FRYL: variants seen among roughly 807,000 people sequenced by gnomAD.
FRYL encodes protein furry homolog-like.
A neutral mutation model predicts 351.2 loss-of-function variants in FRYL; 150 were observed. The ratio of observed to expected loss-of-function variants is 0.43; its 90% confidence interval spans 0.37 to 0.49. The LOEUF (loss-of-function observed/expected upper bound fraction) is 0.49. FRYL is among the 20% of genes least tolerant of loss of function. The pLI is 0.00. For missense variants in FRYL, 3,036 were observed against 3,619.3 expected (o/e 0.84, Z 4.13); for synonymous variants, 1,153 against 1,257.1 (o/e 0.92, Z 1.75).
chr4:48,573,697 G>A lies in FRYL; in HGVS notation c.2847-454C>T, dbSNP rs1313063034. 2.6e-5 allele frequency among the ~76,000 whole-genome samples: 4 copies of A among 151,970 alleles called. No homozygotes were observed. In the East Asian group the frequency reaches 7.7e-4, roughly 29 times the overall value. ...CCTGAGTAGCTGGGATTACAGGCAT[G>A]CACCACTATGCCTGGCTAATTTTTT... is the stretch of plus-strand genomic sequence containing the variant. On this transcript the variant is annotated intron_variant, in intron 25 of 63. Coordinates refer to ENST00000358350, the MANE Select transcript of FRYL (RefSeq NM_015030.2).
At chr4:48,506,841 C>G (rs567905453) in intron 59 of FRYL, among the ~76,000 whole-genome samples, 3 of 151,846 alleles carry the variant, frequency 2.0e-5, no homozygotes, top group Non-Finnish European at 4.4e-5. Context: ...ACCTTATTTT[C>G]CTTTTATTCC....
chr4:48,559,705 GGA>G (rs1161682897), intron 33 of FRYL, among the ~76,000 whole-genome samples: 4 of 136,482 alleles, frequency 2.9e-5, no homozygotes, highest in African/African-American at 8.2e-5. Context: ...TGGGGGAGAG[GGA>G]GAGAGAGAGA....
intron 35 of FRYL, 65 bp downstream of exon 35, chr4:48,556,913 T>G (rs1734241010): frequency 7.2e-7 from 1 of 1,385,038 alleles, no homozygotes; most frequent in Non-Finnish European, 9.7e-7. Flanking sequence ...GCCCATACTC[T>G]GACATCACAA....
At chr4:48,625,930 G>A (rs995798575) in intron 4 of FRYL, among the ~76,000 whole-genome samples, 9 of 151,938 alleles carry the variant, frequency 5.9e-5, no homozygotes, top group Non-Finnish European at 1.3e-4. Context: ...AATATGTAAA[G>A]CACAATTATA....
chr4:48,723,940 A>AAATAATAATAAT (rs35636867), intron 1 of FRYL, among the ~76,000 whole-genome samples: 21 of 140,380 alleles, frequency 1.5e-4, no homozygotes, highest in South Asian at 4.5e-4. Context: ...AAAATAAATA[A>AAATAATAATAAT]AATAATAATA....
chr4:48,578,425 A>AAAAAC (rs1298314796), intron 23 of FRYL, among the ~76,000 whole-genome samples: 6 of 152,212 alleles, frequency 3.9e-5, no homozygotes, highest in Non-Finnish European at 8.8e-5. Context: ...TTAAGAGCAA[A>AAAAAC]AAAACAAAAC....
chr4:48,747,693 C>T (rs1301371707), intron 1 of FRYL, among the ~76,000 whole-genome samples: 1 of 152,058 alleles, frequency 6.6e-6, no homozygotes, highest in African/African-American at 2.4e-5. Flanking sequence ...CAGTTGTTCC[C>T]ACATATCTTT....
At chr4:48,578,825 C>A in intron 23 of FRYL, 148 bp downstream of exon 23, 1 of 637,894 alleles carries the variant, frequency 1.6e-6, no homozygotes, top group Non-Finnish European at 2.6e-6. Context: ...TCCTTGACAA[C>A]ATTCTTCTCC....
chr4:48,619,841 T>G (rs1750294065), intron 6 of FRYL, among the ~76,000 whole-genome samples: 1 of 152,222 alleles, frequency 6.6e-6, no homozygotes, highest in Admixed American at 6.5e-5. Flanking sequence ...CATGTTTTTA[T>G]GTTCTTTCCC....
chr4:48,515,189 A>C lies in FRYL; in HGVS notation c.7776T>G (p.Leu2592=). The change falls in exon 56 of 64, where the codon CTT becomes CTG. Residue 2592 remains leucine, a synonymous_variant. Transcript: ENST00000358350. ...CTAAATCAAGAATTCCTTGACACAC[A>C]AGAGATTCCTGCTGTTCTTGAATTA... ...SYIIQEQQES[L]VCQGILDLEE... The C allele has an allele frequency of 1.2e-6, 2 of 1,613,858 alleles. No individual in the cohort carries two copies. The highest frequency in any genetic ancestry group is 1.7e-6 in the Non-Finnish European group (2 of 1,179,792).
At chr4:48,644,092 C>A (rs958626200) in intron 3 of FRYL, among the ~76,000 whole-genome samples, 2 of 151,998 alleles carry the variant, frequency 1.3e-5, no homozygotes, top group East Asian at 3.9e-4. Context: ...TACAGGCATG[C>A]GCCACCATGC....
intron 27 of FRYL, among the ~76,000 whole-genome samples, chr4:48,569,940 G>C (rs1737881975): frequency 6.6e-6 from 1 of 152,068 alleles, no homozygotes; most frequent in Non-Finnish European, 1.5e-5. Context: ...AGCCTTCCAG[G>C]TATCTGGGAC....
At position 48,688,658 on chromosome 4, in the gene FRYL, A is replaced by ATTTT. The variant is rs11355390; in HGVS notation, c.-203-3867_-203-3864dup. ...CTTGCATTTAACCTTCTCTTAGTCAATTTTTTTTTTTTTTTTTTTTTTTGA... is the reference window on the plus strand; with the variant it reads ...CTTGCATTTAACCTTCTCTTAGTCAATTTTTTTTTTTTTTTTTTTTTTTTTTTGA... On this transcript the variant is annotated intron_variant, in intron 2 of 63. Transcript: ENST00000358350. 2.2e-4 allele frequency among the ~76,000 whole-genome samples: 19 copies of ATTTT among 86,434 alleles called. No individual in the cohort carries two copies. In the South Asian group the frequency reaches 5.9e-3, roughly 27 times the overall value. The allele number at this position is 86,434 out of a possible 152,430, so 56.7% of individuals were successfully genotyped here. A position where few individuals can be genotyped will look rare whatever the true frequency, so the allele number is the denominator to read the frequency against.
chr4:48,588,805 G>A (rs1302957149), intron 18 of FRYL, among the ~76,000 whole-genome samples: 4 of 151,988 alleles, frequency 2.6e-5, no homozygotes, highest in African/African-American at 4.8e-5. Context: ...CCTAGTCACC[G>A]AGAGGGTGCT....
chr4:48,666,640 C>G (rs562913653), intron 3 of FRYL, among the ~76,000 whole-genome samples: 1 of 152,100 alleles, frequency 6.6e-6, no homozygotes, highest in Non-Finnish European at 1.5e-5. Flanking sequence ...AGATCCCCTA[C>G]GTGATTCTTA....
chr4:48,633,159 G>A (rs1306986389), intron 4 of FRYL, among the ~76,000 whole-genome samples: 5 of 152,008 alleles, frequency 3.3e-5, no homozygotes, highest in African/African-American at 1.2e-4. Flanking sequence ...CTTCCTTCCA[G>A]CCCAAAGAGT....
intron 44 of FRYL, among the ~76,000 whole-genome samples, chr4:48,543,293 A>C (rs1448371019): frequency 6.6e-6 from 1 of 152,202 alleles, no homozygotes; most frequent in African/African-American, 2.4e-5. Context: ...CAGTAGGATA[A>C]ATTATGTTAT....
intron 26 of FRYL, chr4:48,571,646 C>T (rs780869212): frequency 2.0e-6 from 2 of 985,158 alleles, no homozygotes; most frequent in African/African-American, 1.7e-5. Context: ...TTTCTGCCTT[C>T]CAGGTGCATG....
chr4:48,530,651 G>A (rs571110944), intron 50 of FRYL, among the ~76,000 whole-genome samples: 1 of 152,154 alleles, frequency 6.6e-6, no homozygotes, highest in Admixed American at 6.5e-5. Flanking sequence ...CAAGGTAGGC[G>A]GTACTAGTTG....
Sources: gnomAD v4.1 joint callset for allele counts (sites outside exome capture counted in the v4.1 genomes callset) on GRCh38, gnomAD v4.1.1 for gene constraint, MANE v1.5 for transcripts, NCBI Gene and HGNC (gene_info 2026-07-23, HGNC 2026-07-21) for gene names.